SEC14L5: variants seen among roughly 807,000 people sequenced by gnomAD.
SEC14L5 encodes the protein SEC14-like protein 5.
Under a neutral mutation model 84.6 loss-of-function variants are expected in SEC14L5, and 96 were observed. The observed-to-expected ratio is 1.13, with a 90% CI of 0.96 to 1.34. The LOEUF is 1.34. Ranked by LOEUF, SEC14L5 falls within the 40% of genes most tolerant of loss-of-function variation. The probability of loss-of-function intolerance (pLI) is 0.00; values close to 1 mark genes in which losing one functional copy is unlikely to be tolerated. For synonymous variants in SEC14L5, 546 were observed against 383.4 expected, an observed-to-expected ratio of 1.42 and a Z score of -4.95; for missense variants, 1,224 against 942.5, an observed-to-expected ratio of 1.30 and a Z score of -3.91.
intron 2 of SEC14L5, among the ~76,000 whole-genome samples, chr16:4,967,205 C>A (rs991967235): frequency 7.2e-5 from 11 of 152,308 alleles, no homozygotes; most frequent in African/African-American, 2.6e-4. Context: ...TCTGGAGGCT[C>A]TAGAAGGGGA....
chr16:4,975,146 T>G lies in SEC14L5; in HGVS notation c.64-12411T>G, dbSNP rs537283406. 2.6e-5 allele frequency among the ~76,000 whole-genome samples: 4 copies of G among 152,206 alleles called. No individual in the cohort carries two copies. The East Asian group carries it at 7.7e-4, about 29-fold the overall frequency. On this transcript the variant is annotated intron_variant, in intron 2 of 15. Coordinates refer to ENST00000251170, the MANE Select transcript of SEC14L5 (RefSeq NM_014692.2). Reference sequence around the variant, plus strand: ...GATATTTGGTTTTCCATTCCTGAGTTACTTCATTTAGAATAATGACCTCCA... The same window carrying G: ...GATATTTGGTTTTCCATTCCTGAGTGACTTCATTTAGAATAATGACCTCCA...
chr16:4,962,716 A>G (rs918352981), intron 2 of SEC14L5, among the ~76,000 whole-genome samples: 5 of 144,788 alleles, frequency 3.5e-5, no homozygotes, highest in African/African-American at 1.3e-4. Flanking sequence ...AAACTTCCTT[A>G]TCTGTACCTG....
chr16:5,018,320 G>A lies in SEC14L5; in HGVS notation c.*3350G>A, dbSNP rs895225148. On this transcript the variant is annotated 3_prime_UTR_variant, in exon 16 of 16. Transcript: ENST00000251170. ...CGTTATTGCACCCAGAGAAAAGTAGGTGTCAAGAATTATTGCCCTCTGAGT... is the reference window on the plus strand; with the variant it reads ...CGTTATTGCACCCAGAGAAAAGTAGATGTCAAGAATTATTGCCCTCTGAGT... 1.3e-5 allele frequency: 2 copies of A among 152,246 alleles called. No homozygotes were observed. Among genetic ancestry groups the A allele is most frequent in the African/African-American group, 4.8e-5 (2 of 41,454 alleles). The allele number at this position is 152,246 out of a possible 1,614,324, so 9.4% of individuals were successfully genotyped here. A position where few individuals can be genotyped will look rare whatever the true frequency, so the allele number is the denominator to read the frequency against.
intron 2 of SEC14L5, among the ~76,000 whole-genome samples, chr16:4,976,690 C>A (rs1343892318): frequency 1.3e-5 from 2 of 152,188 alleles, no homozygotes; most frequent in Non-Finnish European, 2.9e-5. Context: ...TCCCTGCCTG[C>A]CCCACTGTGG....
At position 4,981,255 on chromosome 16, in the gene SEC14L5, G is replaced by GTTTTTT. The variant is rs58882220; in HGVS notation, c.64-6279_64-6274dup. ...ATGCACCAGCACGTCTAGCTAATTG[G>GTTTTTT]TTTTTTTTTTTTTTTTTTTTTTTTT... On this transcript the variant is annotated intron_variant, in intron 2 of 15. Coordinates refer to ENST00000251170, the MANE Select transcript of SEC14L5 (RefSeq NM_014692.2). Among the ~76,000 whole-genome samples the GTTTTTT allele has an allele frequency of 2.3e-4, 21 of 92,932 alleles. 4 individuals carry two copies. The highest frequency in any genetic ancestry group is 5.9e-4 in the Admixed American group (4 of 6,758). 61.0% of individuals were successfully genotyped at this position (92,932 alleles called of 152,430 possible).
chr16:4,989,137 T>G (rs556680268), intron 4 of SEC14L5, among the ~76,000 whole-genome samples: 2 of 152,324 alleles, frequency 1.3e-5, no homozygotes, highest in South Asian at 4.1e-4. Context: ...ATGAGGCACC[T>G]GCAGGCATTC....
chr16:5,000,213 C>T lies in SEC14L5; in HGVS notation c.971-442C>T, dbSNP rs145168292. Among the ~76,000 whole-genome samples the T allele has an allele frequency of 9.4e-3, 1,425 of 152,170 alleles. 23 individuals carry two copies. The highest frequency in any genetic ancestry group is 0.031 in the African/African-American group (1,285 of 41,514). ...GGCTGAGGCAGGAAAATTGCTTGAA[C>T]CTGGGAGGCCGAGGTTACAGTGAGC... is the stretch of plus-strand genomic sequence containing the variant. On this transcript the variant is annotated intron_variant, in intron 8 of 15. Transcript: ENST00000251170.
chr16:4,994,709 G>A (rs1362715612), intron 6 of SEC14L5, among the ~76,000 whole-genome samples: 1 of 149,170 alleles, frequency 6.7e-6, no homozygotes, highest in Non-Finnish European at 1.5e-5. Context: ...AACAGCGCCC[G>A]CTCCTGCCCC....
intron 7 of SEC14L5, 24 bp from the exon 8 acceptor site, chr16:4,996,831 G>T: frequency 1.3e-6 from 2 of 1,593,518 alleles, no homozygotes; most frequent in Non-Finnish European, 1.7e-6. Context: ...CGTTCTGTGG[G>T]CTTTTTACTT....
rs755016821 is a variant in SEC14L5, at chr16:5,007,476, C to T, written c.1562C>T (p.Ala521Val). 3 of 1,613,180 alleles carry T rather than the reference C, an allele frequency of 1.9e-6. No individual in the cohort carries two copies. Among genetic ancestry groups the T allele is most frequent in the Admixed American group, 1.7e-5 (1 of 59,988 alleles). ...CATTCAGCCAGCGTGCTCCGCGGAG[C>T]CCCCCACGAGGTGCCAGGGCCTGGC... ...TYHSASVLRG[A>V]PHEVAVEILE... The change falls in exon 13 of 16, where the codon GCC becomes GTC. Residue 521 changes from alanine (A) to valine (V), a missense_variant. Transcript: ENST00000251170.
chr16:5,007,525 G>C, intron 13 of SEC14L5, 39 bp downstream of exon 13: 1 of 1,602,176 alleles, frequency 6.2e-7, no homozygotes, highest in Non-Finnish European at 8.5e-7. Context: ...CTGAGCTGGA[G>C]TGTCTGTCGT....
chr16:4,985,769 T>C (rs1955479048), intron 2 of SEC14L5, among the ~76,000 whole-genome samples: 1 of 150,480 alleles, frequency 6.6e-6, no homozygotes, highest in Non-Finnish European at 1.5e-5. Flanking sequence ...ATACAATATA[T>C]ATTTATATAC....
chr16:5,003,321 C>T, intron 10 of SEC14L5, 81 bp from the exon 11 acceptor site: 6 of 1,105,500 alleles, frequency 5.4e-6, no homozygotes, highest in South Asian at 5.1e-5. Context: ...CGGAGCCTCC[C>T]TGTTCATCCC....
intron 2 of SEC14L5, among the ~76,000 whole-genome samples, chr16:4,967,178 G>C (rs951262806): frequency 6.6e-6 from 1 of 152,148 alleles, no homozygotes; most frequent in African/African-American, 2.4e-5. Context: ...TCAAGGTGTG[G>C]GCAGGCCCAC....
At chr16:4,987,500 G>GT in intron 2 of SEC14L5, 57 bp from the exon 3 acceptor site, 4 of 1,258,052 alleles carry the variant, frequency 3.2e-6, no homozygotes, top group Middle Eastern at 4.0e-4. Context: ...GTCGCGCTGG[G>GT]GGGGGGGGTC....
chr16:5,008,185 G>A (rs573208701), intron 13 of SEC14L5, among the ~76,000 whole-genome samples: 2 of 152,158 alleles, frequency 1.3e-5, no homozygotes, highest in East Asian at 3.9e-4. Flanking sequence ...CAAAGTGTTG[G>A]GATTATAGGC....
intron 11 of SEC14L5, among the ~76,000 whole-genome samples, chr16:5,005,575 T>G (rs952826368): frequency 6.6e-6 from 1 of 151,354 alleles, no homozygotes; most frequent in South Asian, 2.1e-4. Flanking sequence ...AAAAAATACA[T>G]CCATGGTCAG....
chr16:5,011,966 A>G (rs1365143194), intron 15 of SEC14L5, among the ~76,000 whole-genome samples: 1 of 152,220 alleles, frequency 6.6e-6, no homozygotes, highest in Admixed American at 6.5e-5. Flanking sequence ...ACCCTGCTTC[A>G]TGATGGATCT....
intron 11 of SEC14L5, 105 bp downstream of exon 11, chr16:5,003,678 G>C: frequency 1.3e-6 from 1 of 775,304 alleles, no homozygotes; most frequent in Non-Finnish European, 2.0e-6. Flanking sequence ...ATTTCATTTA[G>C]TAACTTTTTG....
Sources: gnomAD v4.1 joint callset for allele counts (sites outside exome capture counted in the v4.1 genomes callset) on GRCh38, gnomAD v4.1.1 for gene constraint, MANE v1.5 for transcripts, NCBI Gene and HGNC (gene_info 2026-07-23, HGNC 2026-07-21) for gene names.